Variants in PCDHGA1 observed in about 807,000 individuals in gnomAD.
PCDHGA1 encodes protocadherin gamma-A1.
A neutral mutation model predicts 58.0 loss-of-function variants in PCDHGA1; 32 were observed. The observed-to-expected ratio is 0.55, with a 90% CI of 0.42 to 0.74. The LOEUF is 0.74. PCDHGA1 is among the 30% of genes least tolerant of loss of function. The probability of loss-of-function intolerance (pLI) is 0.00; values close to 1 mark genes in which losing one functional copy is unlikely to be tolerated. For missense variants in PCDHGA1, 1,205 were observed against 1,182.3 expected, an observed-to-expected ratio of 1.02 and a Z score of -0.28; for synonymous variants, 498 against 501.1, an observed-to-expected ratio of 0.99 and a Z score of 0.08.
intron 1 of PCDHGA1, among the ~76,000 whole-genome samples, chr5:141,401,638 TA>T (rs2094176765): frequency 1.3e-5 from 2 of 152,242 alleles, no homozygotes; most frequent in South Asian, 4.1e-4. Context: ...TTTGGAGCTT[TA>T]AATATAAATG....
intron 1 of PCDHGA1, chr5:141,377,207 A>T (rs1170353646): frequency 6.6e-6 from 1 of 152,122 alleles, no homozygotes; most frequent in Non-Finnish European, 1.5e-5. Context: ...GATTGAGTAC[A>T]TCTCGTTTCT....
chr5:141,388,647 G>A lies in PCDHGA1; in HGVS notation c.2421+55542G>A, dbSNP rs778996768. ...ATACAGGGTGAGCCTTTCAGAAAAC[G>A]TGTACCCGGGGACCACGGTGCTACA... On this transcript the variant is annotated intron_variant, in intron 1 of 3. Coordinates refer to ENST00000517417, the MANE Select transcript of PCDHGA1 (RefSeq NM_018912.3). The A allele has an allele frequency of 6.8e-6, 11 of 1,613,892 alleles. No homozygotes were observed. The Admixed American group carries it at 1.0e-4, about 15-fold the overall frequency.
At chr5:141,391,452 C>T (rs1004301347) in intron 1 of PCDHGA1, 13 of 152,114 alleles carry the variant, frequency 8.5e-5, no homozygotes, top group African/African-American at 3.1e-4. Context: ...AGCTGGAACT[C>T]AGGCTCATGC....
intron 1 of PCDHGA1, among the ~76,000 whole-genome samples, chr5:141,406,071 C>T (rs2094755708): frequency 7.4e-6 from 1 of 134,244 alleles, no homozygotes; most frequent in East Asian, 2.1e-4. Context: ...AATTCTTACT[C>T]CTTTTTTTTT....
At chr5:141,342,646 T>C (rs1443743240) in intron 1 of PCDHGA1, 1 of 152,230 alleles carries the variant, frequency 6.6e-6, no homozygotes, top group Non-Finnish European at 1.5e-5. Flanking sequence ...ATAGCTTTAC[T>C]TGTAAGTGAA....
rs2097504446 is a variant in PCDHGA1, at chr5:141,432,472, T to C, written c.2422-62335T>C. The C allele has an allele frequency of 9.9e-6, 16 of 1,614,012 alleles. No homozygotes were observed. Among genetic ancestry groups the C allele is most frequent in the Non-Finnish European group, 1.4e-5 (16 of 1,180,036 alleles). ...TGTACCCCGCCCTCCCCACGGACGG[T>C]TCCACTGGCGTGGAGCTGGCTCCCC... On this transcript the variant is annotated intron_variant, in intron 1 of 3. Transcript: ENST00000517417. This position sits in a 1 kb window ranked among gnomAD's most constrained non-coding sequence, Gnocchi z 6.0.
chr5:141,433,076 C>T, intron 1 of PCDHGA1: 1 of 1,614,188 alleles, frequency 6.2e-7, no homozygotes, highest in Non-Finnish European at 8.5e-7. Context: ...CTTCCCCCAG[C>T]CCAACTATGC....
At chr5:141,423,026 G>A in intron 1 of PCDHGA1, 2 of 1,614,210 alleles carry the variant, frequency 1.2e-6, no homozygotes, top group African/African-American at 1.3e-5. Flanking sequence ...AAAGATTCAG[G>A]CCAGAACGCC....
rs2097403311 is a variant in PCDHGA1 at position 141,431,640 on chromosome 5, T to C, written c.2422-63167T>C. 6.2e-7 allele frequency: 1 copy of C among 1,614,094 alleles called. No individual in the cohort carries two copies. The highest frequency in any genetic ancestry group is 8.5e-7 in the Non-Finnish European group (1 of 1,180,040). On this transcript the variant is annotated intron_variant, in intron 1 of 3. Coordinates refer to ENST00000517417, the MANE Select transcript of PCDHGA1 (RefSeq NM_018912.3). This position sits in a 1 kb window ranked among gnomAD's most constrained non-coding sequence, Gnocchi z 4.8. ...GACAAGGCGGCCCAAGTTTTCAAACTAGATTGTAATTCAGGGACAATATCA... is the reference window on the plus strand; with the variant it reads ...GACAAGGCGGCCCAAGTTTTCAAACCAGATTGTAATTCAGGGACAATATCA...
In PCDHGA1 at chr5:141,331,812, A is replaced by T. The variant is rs115219843; in HGVS notation, c.1128A>T (p.Ser376=). 3.9e-5 allele frequency: 63 copies of T among 1,614,206 alleles called. No individual in the cohort carries two copies. In the East Asian group the frequency reaches 1.4e-3, roughly 35 times the overall value. The change falls in exon 1 of 4, where the codon TCA becomes TCT. Residue 376 remains serine (S), a synonymous_variant. Coordinates refer to ENST00000517417, the MANE Select transcript of PCDHGA1 (RefSeq NM_018912.3). ...IALISVHDQD[S]GDNGYTTCFI... ...TTATCAGTGTGCATGACCAGGACTCAGGAGACAATGGCTACACCACATGTT... is the reference window on the plus strand; with the variant it reads ...TTATCAGTGTGCATGACCAGGACTCTGGAGACAATGGCTACACCACATGTT...
chr5:141,405,840 A>ATATCAGTGT (rs2094725824), intron 1 of PCDHGA1, among the ~76,000 whole-genome samples: 1 of 152,188 alleles, frequency 6.6e-6, no homozygotes, highest in Non-Finnish European at 1.5e-5. Context: ...GTATAAGTTG[A>ATATCAGTGT]TATCAGTGTG....
chr5:141,360,868 G>A (rs1389190862), intron 1 of PCDHGA1: 1 of 1,614,012 alleles, frequency 6.2e-7, no homozygotes, highest in Non-Finnish European at 8.5e-7. Flanking sequence ...GTTCAGCCAG[G>A]ACGTGTACAG....
rs1267965791 is a variant in PCDHGA1, at chr5:141,431,329, G to C, written c.2422-63478G>C. 1 of 1,614,002 alleles carries C rather than the reference G, an allele frequency of 6.2e-7. No individual in the cohort carries two copies. Among genetic ancestry groups the C allele is most frequent in the East Asian group, 2.2e-5 (1 of 44,904 alleles). On this transcript the variant is annotated intron_variant, in intron 1 of 3. Coordinates refer to ENST00000517417, the MANE Select transcript of PCDHGA1 (RefSeq NM_018912.3). The surrounding 1 kb of genome is among the most constrained non-coding windows in gnomAD (Gnocchi z 4.8). ...TGCAAAATGGAGCCGACGGTAGTAA[G>C]TACCCCGAATTGGTGCTGAAACGCG...
intron 1 of PCDHGA1, chr5:141,400,076 T>A: frequency 6.2e-7 from 1 of 1,613,932 alleles, no homozygotes; most frequent in Non-Finnish European, 8.5e-7. Context: ...CAGCCGCCAC[T>A]CTCCGCCACC....
rs1331087585 is a variant in PCDHGA1 at position 141,365,757 on chromosome 5, C to G, written c.2421+32652C>G. 6 of 1,613,830 alleles carry G rather than the reference C, an allele frequency of 3.7e-6. No individual in the cohort carries two copies. The South Asian group carries it at 6.6e-5, about 18-fold the overall frequency. On this transcript the variant is annotated intron_variant, in intron 1 of 3. Transcript: ENST00000517417. ...GGTGTCTCTATCTTCTCTGTGACAG[C>G]CCATGACCCCGACAGCGGCGACAAC...
Position 141,485,448 on chromosome 5 carries a change from G to A in PCDHGA1, c.2422-9359G>A. On this transcript the variant is annotated intron_variant, in intron 1 of 3. Coordinates refer to ENST00000517417, the MANE Select transcript of PCDHGA1 (RefSeq NM_018912.3). This position sits in a 1 kb window ranked among gnomAD's most constrained non-coding sequence, Gnocchi z 5.7. ...CTGCTCATCAAGAACCCAATCGACC[G>A]AGAGGCACTGTGTGGGCTCAGTGCC... is the stretch of plus-strand genomic sequence containing the variant. 1 of 1,614,154 alleles carries A rather than the reference G, an allele frequency of 6.2e-7. No homozygotes were observed.
intron 1 of PCDHGA1, chr5:141,375,160 T>C (rs373409677): frequency 1.2e-6 from 2 of 1,613,972 alleles, no homozygotes; most frequent in Non-Finnish European, 1.7e-6. Flanking sequence ...TTGCTGAAAG[T>C]GCACCTCCAG....
chr5:141,483,833 G>A (rs964111814), intron 1 of PCDHGA1, among the ~76,000 whole-genome samples: 1 of 152,116 alleles, frequency 6.6e-6, no homozygotes, highest in Admixed American at 6.5e-5. Flanking sequence ...CCTAGGTAAG[G>A]ACTTGGTTGA....
chr5:141,474,993 C>A (rs1313232385), intron 1 of PCDHGA1, among the ~76,000 whole-genome samples: 24 of 152,324 alleles, frequency 1.6e-4, no homozygotes. Context: ...GACAACAATT[C>A]TAAATGCAGA....
Sources: allele counts gnomAD v4.1 joint callset (sites outside exome capture counted in the v4.1 genomes callset), GRCh38; gene constraint gnomAD v4.1.1; non-coding constraint Gnocchi (gnomAD v3.1); transcripts MANE v1.5; gene names NCBI Gene and HGNC (gene_info 2026-07-23, HGNC 2026-07-21).